Variants in STK33 observed in about 807,000 individuals in gnomAD.
STK33 encodes the protein serine/threonine-protein kinase 33.
In STK33, 52 loss-of-function variants were observed where a neutral mutation model predicts 58.0. The observed-to-expected ratio is 0.90, with a 90% confidence interval of 0.72 to 1.13. STK33 has a LOEUF of 1.13. Ranked by LOEUF, STK33 falls within the 50% of genes most tolerant of loss-of-function variation. STK33 has a pLI of 0.00. For synonymous variants in STK33, 215 were observed against 200.1 expected (o/e 1.07, Z -0.63); for missense variants, 630 against 604.2 (o/e 1.04, Z -0.45).
At chr11:8,335,660 T>A in the STK33 span, among the ~76,000 whole-genome samples, 2 of 152,200 alleles carry the variant, frequency 1.3e-5, no homozygotes, top group Non-Finnish European at 2.9e-5. Flanking sequence ...CACAGGTCAC[T>A]TTAAAGTTTC....
intron 15 of STK33, among the ~76,000 whole-genome samples, chr11:8,410,470 C>CT (rs11382344): frequency 0.26 from 31,793 of 121,714 alleles, 4,967 homozygotes; most frequent in African/African-American, 0.41. Flanking sequence ...CTTTTCTTTT[C>CT]TTTTTTTTTT....
rs192798185 is a variant in STK33 at position 8,483,216 on chromosome 11, A to G, written c.-465-2602T>C. Among the ~76,000 whole-genome samples the G allele has an allele frequency of 1.8e-3, 278 of 152,288 alleles. 1 individual carries two copies. The highest frequency in any genetic ancestry group is 6.0e-3 in the African/African-American group (250 of 41,558). On this transcript the variant is annotated intron_variant, in intron 1 of 15. Transcript: ENST00000687296. ...GGAATGAGTTAGAGTTCACCTGTGA[A>G]CACGTCAAGGAAAGGTTCTCCAAGT...
chr11:8,423,661 CAT>C (rs1564918537), intron 14 of STK33, among the ~76,000 whole-genome samples: 2 of 152,174 alleles, frequency 1.3e-5, no homozygotes, highest in South Asian at 2.1e-4. Context: ...AAATATTCCA[CAT>C]GTGCTTGAGA....
At chr11:8,506,008 G>A (rs1472888349) in intron 1 of STK33, among the ~76,000 whole-genome samples, 1 of 152,146 alleles carries the variant, frequency 6.6e-6, no homozygotes, top group Non-Finnish European at 1.5e-5. Flanking sequence ...AAAGCTTTTG[G>A]TAAACTGCAA....
chr11:8,559,239 C>T (rs767787903), intron 1 of STK33, among the ~76,000 whole-genome samples: 15 of 152,198 alleles, frequency 9.9e-5, no homozygotes, highest in Non-Finnish European at 2.2e-4. Context: ...AATATACCTT[C>T]TCACATATCC....
At chr11:8,587,812 C>T (rs2031951523) in intron 1 of STK33, among the ~76,000 whole-genome samples, 1 of 152,152 alleles carries the variant, frequency 6.6e-6, no homozygotes, top group Admixed American at 6.6e-5. Context: ...GGCAAAGGGG[C>T]ACCCATATGG....
At chr11:8,415,631 T>A (rs1292978305) in intron 14 of STK33, among the ~76,000 whole-genome samples, 1 of 152,074 alleles carries the variant, frequency 6.6e-6, no homozygotes, top group Admixed American at 6.5e-5. Flanking sequence ...GTGTCATTTG[T>A]CATCACCCAA....
At chr11:8,378,132 C>T in the STK33 span, among the ~76,000 whole-genome samples, 1 of 152,310 alleles carries the variant, frequency 6.6e-6, no homozygotes, top group South Asian at 2.1e-4. Flanking sequence ...GCTAGGGAGG[C>T]CTCAGTAAAC....
chr11:8,384,334 A>G, the STK33 span, among the ~76,000 whole-genome samples: 78,142 of 152,144 alleles, frequency 0.51, 22,409 homozygotes, highest in African/African-American at 0.77. Context: ...GGAGGGCACC[A>G]TGGTCTTGCG....
At chr11:8,523,601 G>C (rs1396340550) in intron 1 of STK33, among the ~76,000 whole-genome samples, 11 of 151,966 alleles carry the variant, frequency 7.2e-5, no homozygotes, top group African/African-American at 1.7e-4. Context: ...CTGCCCGGCA[G>C]CCTCCCCGTC....
At chr11:8,522,358 G>A (rs1953538015) in intron 1 of STK33, among the ~76,000 whole-genome samples, 1 of 151,974 alleles carries the variant, frequency 6.6e-6, no homozygotes, top group South Asian at 2.1e-4. Flanking sequence ...ATGATTCTGA[G>A]CAAACTATCC....
intron 6 of STK33, among the ~76,000 whole-genome samples, chr11:8,470,908 T>C (rs1319089976): frequency 6.6e-6 from 1 of 152,128 alleles, no homozygotes; most frequent in African/African-American, 2.4e-5. Context: ...AAGAAAAAGT[T>C]TGAAATACTG....
intron 14 of STK33, among the ~76,000 whole-genome samples, chr11:8,421,355 T>C (rs1049578391): frequency 2.6e-5 from 4 of 152,216 alleles, no homozygotes; most frequent in Admixed American, 2.6e-4. Flanking sequence ...TTTTTCCATA[T>C]GGAGAACTCT....
the STK33 span, among the ~76,000 whole-genome samples, chr11:8,349,844 T>G: frequency 6.6e-6 from 1 of 152,228 alleles, no homozygotes; most frequent in Non-Finnish European, 1.5e-5. Flanking sequence ...CTTCTTCCCC[T>G]TCTCTGTCCT....
intron 6 of STK33, chr11:8,467,328 A>T (rs767079512): frequency 6.5e-6 from 1 of 153,398 alleles, no homozygotes; most frequent in Admixed American, 6.5e-5. Flanking sequence ...TGCCTCTTGA[A>T]TGCTTTGCTG....
At chr11:8,545,182 T>A (rs182933970) in intron 1 of STK33, among the ~76,000 whole-genome samples, 34 of 152,282 alleles carry the variant, frequency 2.2e-4, no homozygotes, top group Admixed American at 1.8e-3. Flanking sequence ...TGAAGCCACA[T>A]GCACTTGGAA....
intron 1 of STK33, among the ~76,000 whole-genome samples, chr11:8,579,285 T>C (rs1450947915): frequency 6.6e-6 from 1 of 152,026 alleles, no homozygotes; most frequent in Non-Finnish European, 1.5e-5. Context: ...TTATTGCCAC[T>C]ATATATAGGC....
At chr11:8,391,430 T>C (rs1848622427), downstream of STK33, among the ~76,000 whole-genome samples, 1 of 152,194 alleles carries the variant, frequency 6.6e-6, no homozygotes, top group African/African-American at 2.4e-5. Flanking sequence ...GGAATCACAA[T>C]AGTGTCTTCT....
downstream of STK33, among the ~76,000 whole-genome samples, chr11:8,389,150 C>A (rs931565936): frequency 9.2e-5 from 14 of 152,178 alleles, no homozygotes; most frequent in African/African-American, 3.4e-4. Context: ...TGGGAAAACC[C>A]ACAAAGGAAG....
Sources: allele counts gnomAD v4.1 joint callset (sites outside exome capture counted in the v4.1 genomes callset), GRCh38; gene constraint gnomAD v4.1.1; transcripts MANE v1.5; gene names NCBI Gene and HGNC (gene_info 2026-07-23, HGNC 2026-07-21).